The following KALRN variants were observed in gnomAD, a reference collection of about 807,000 sequenced individuals.
KALRN encodes the protein kalirin.
KALRN carries 70 observed loss-of-function variants against 353.7 expected under a neutral mutation model. That is an observed-to-expected ratio of 0.20 (90% CI 0.16 to 0.24). The LOEUF (loss-of-function observed/expected upper bound fraction) is 0.24, where lower values mean the gene tolerates loss of function less well. Among genes scored for constraint, KALRN ranks in the 10% least tolerant of loss-of-function variants. The pLI is 1.00. For missense variants in KALRN, 2,791 were observed against 3,756.7 expected (o/e 0.74, Z 6.72); for synonymous variants, 1,391 against 1,434.8 (o/e 0.97, Z 0.69).
chr3:124,410,600 C>T (rs2150231508), intron 13 of KALRN, among the ~76,000 whole-genome samples: 1 of 152,226 alleles, frequency 6.6e-6, no homozygotes, highest in East Asian at 1.9e-4. Flanking sequence ...ATGTTCTCAC[C>T]ATCGTGAGTC....
intron 6 of KALRN, among the ~76,000 whole-genome samples, chr3:124,311,474 A>G (rs978266874): frequency 2.0e-5 from 3 of 152,110 alleles, no homozygotes; most frequent in Non-Finnish European, 4.4e-5. Context: ...AAAAAAAGAA[A>G]AGTAAAACTC....
Position 124,471,748 on chromosome 3 carries a change from G to A in KALRN, c.4032-2915G>A, listed in dbSNP as rs149935348. Reference sequence around the variant, plus strand: ...GGAGGCCGAGGTGGGCGGATCACGAGGTCAGGAGATCAAGACCATCCTGGC... The same window carrying A: ...GGAGGCCGAGGTGGGCGGATCACGAAGTCAGGAGATCAAGACCATCCTGGC... On this transcript the variant is annotated intron_variant, in intron 25 of 59. Coordinates refer to ENST00000682506, the MANE Select transcript of KALRN (RefSeq NM_001388419.1). Among the ~76,000 whole-genome samples, 1,006 of 151,974 alleles carry A rather than the reference G, an allele frequency of 6.6e-3. 12 individuals are homozygous for A. The highest frequency in any genetic ancestry group is 0.022 in the African/African-American group (908 of 41,432).
At chr3:124,262,655 C>A (rs111469365) in intron 3 of KALRN, among the ~76,000 whole-genome samples, 22 of 152,250 alleles carry the variant, frequency 1.4e-4, no homozygotes, top group African/African-American at 4.6e-4. Flanking sequence ...AAGTAAGCTG[C>A]CTTGTGCTTG....
intron 11 of KALRN, 71 bp downstream of exon 11, chr3:124,385,107 C>T: frequency 1.4e-6 from 2 of 1,379,860 alleles, no homozygotes; most frequent in South Asian, 1.5e-5. Context: ...TAAAATGGCC[C>T]TGAAGGTCTG....
At chr3:124,243,038 T>G (rs939337343) in intron 3 of KALRN, among the ~76,000 whole-genome samples, 1 of 152,204 alleles carries the variant, frequency 6.6e-6, no homozygotes, top group Non-Finnish European at 1.5e-5. Context: ...GGTGGGGTAG[T>G]CTCTATCGTA....
intron 6 of KALRN, among the ~76,000 whole-genome samples, chr3:124,310,738 C>T (rs2078168198): frequency 6.6e-6 from 1 of 152,058 alleles, no homozygotes; most frequent in South Asian, 2.1e-4. Flanking sequence ...GGACCCTTAC[C>T]TTACACTAAA....
chr3:124,703,015 G>T (rs2062417577), intron 57 of KALRN, among the ~76,000 whole-genome samples: 1 of 152,126 alleles, frequency 6.6e-6, no homozygotes, highest in South Asian at 2.1e-4. Flanking sequence ...AGATCTTACA[G>T]GTTGCCCACC....
intron 5 of KALRN, among the ~76,000 whole-genome samples, chr3:124,273,665 G>C (rs2074397526): frequency 6.6e-6 from 1 of 152,208 alleles, no homozygotes; most frequent in South Asian, 2.1e-4. Context: ...CCTAGGCACA[G>C]CCTCTGTGCT....
At chr3:124,360,923 A>C (rs561808538) in intron 10 of KALRN, among the ~76,000 whole-genome samples, 4 of 152,254 alleles carry the variant, frequency 2.6e-5, no homozygotes, top group Non-Finnish European at 5.9e-5. Context: ...TTTTGCCTTC[A>C]CGAAAAGATT....
At chr3:124,054,654 G>C in intron 1 of KALRN, among the ~76,000 whole-genome samples, 1 of 152,088 alleles carries the variant, frequency 6.6e-6, no homozygotes, top group East Asian at 1.9e-4. Flanking sequence ...CCTTCAAACT[G>C]CCTTTCCTAA....
At chr3:124,544,782 A>G (rs1239368017) in intron 33 of KALRN, among the ~76,000 whole-genome samples, 1 of 152,196 alleles carries the variant, frequency 6.6e-6, no homozygotes, top group East Asian at 1.9e-4. Context: ...AGTGCCTGGC[A>G]CATAATAAGC....
chr3:124,606,715 C>T lies in KALRN; in HGVS notation c.5183-25705C>T, dbSNP rs998000604. On this transcript the variant is annotated intron_variant, in intron 34 of 59. Coordinates refer to ENST00000682506, the MANE Select transcript of KALRN (RefSeq NM_001388419.1). ...ACAAATGATGGACTAGGAGAAAATG[C>T]GTGTAACCTGCCTAATAGATAAAAG... Among the ~76,000 whole-genome samples the T allele has an allele frequency of 2.6e-5, 4 of 152,132 alleles. No individual in the cohort carries two copies. In the South Asian group the frequency reaches 6.2e-4, roughly 24 times the overall value.
intron 10 of KALRN, among the ~76,000 whole-genome samples, chr3:124,353,366 A>AT (rs1482292988): frequency 6.6e-6 from 1 of 152,256 alleles, no homozygotes; most frequent in East Asian, 1.9e-4. Flanking sequence ...GCCCTCATCA[A>AT]TTTTCATTTC....
intron 1 of KALRN, among the ~76,000 whole-genome samples, chr3:124,130,509 A>G (rs975240581): frequency 6.6e-5 from 10 of 152,182 alleles, no homozygotes; most frequent in Admixed American, 2.6e-4. Flanking sequence ...TGTTGAGACT[A>G]TGGAGTTCCT....
rs3055894 is a variant in KALRN, at chr3:124,355,709, CTTTTTT to C, written c.1770+8463_1770+8468del. On this transcript the variant is annotated intron_variant, in intron 10 of 59. Coordinates refer to ENST00000682506, the MANE Select transcript of KALRN (RefSeq NM_001388419.1). ...TTAAACACCCTCAACTCTCTCCCAT[CTTTTTT>C]TTTTTTTTTTTTTTTTTTGAGACAG... is the stretch of plus-strand genomic sequence containing the variant. Among the ~76,000 whole-genome samples, 796 of 97,384 alleles carry C rather than the reference CTTTTTT, an allele frequency of 8.2e-3. 6 individuals are homozygous for C. The highest frequency in any genetic ancestry group is 0.025 in the African/African-American group (629 of 24,746). The allele number at this position is 97,384 out of a possible 152,430, so 63.9% of individuals were successfully genotyped here.
intron 34 of KALRN, among the ~76,000 whole-genome samples, chr3:124,608,319 C>A (rs961700261): frequency 2.0e-5 from 3 of 151,978 alleles, no homozygotes; most frequent in African/African-American, 7.3e-5. Flanking sequence ...AAATTTATAC[C>A]CTCTCATGCA....
intron 3 of KALRN, among the ~76,000 whole-genome samples, chr3:124,251,349 T>A (rs917655944): frequency 1.5e-5 from 2 of 136,158 alleles, no homozygotes; most frequent in East Asian, 4.7e-4. Context: ...GCATGGCAAG[T>A]CTTTGCTTTT....
intron 34 of KALRN, among the ~76,000 whole-genome samples, chr3:124,574,875 T>A (rs919966230): frequency 6.6e-6 from 1 of 152,184 alleles, no homozygotes; most frequent in East Asian, 1.9e-4. Context: ...GGAGCAGCCC[T>A]TGCAGGCCAC....
At chr3:124,440,898 G>T (rs1422912915) in intron 18 of KALRN, among the ~76,000 whole-genome samples, 10 of 151,790 alleles carry the variant, frequency 6.6e-5, no homozygotes, top group Non-Finnish European at 1.5e-4. Flanking sequence ...CTAGATCCTA[G>T]ATCTGTGTTG....
Sources: allele counts gnomAD v4.1 joint callset (sites outside exome capture counted in the v4.1 genomes callset), GRCh38; gene constraint gnomAD v4.1.1; transcripts MANE v1.5; gene names NCBI Gene and HGNC (gene_info 2026-07-23, HGNC 2026-07-21).